Variants in CRMP1 observed in about 807,000 individuals in gnomAD.
The protein encoded by CRMP1 is dihydropyrimidinase-related protein 1.
Under a neutral mutation model 68.3 loss-of-function variants are expected in CRMP1, and 19 were observed. The ratio of observed to expected loss-of-function variants is 0.28; its 90% CI spans 0.19 to 0.41. The LOEUF (loss-of-function observed/expected upper bound fraction) is 0.41, where lower values mean the gene tolerates loss of function less well. CRMP1 is among the 10% of genes least tolerant of loss of function. The pLI, the probability that CRMP1 is intolerant of heterozygous loss-of-function variation, is 1.00. For synonymous variants in CRMP1, 439 were observed against 399.6 expected (o/e 1.10, Z -1.18); for missense variants, 791 against 967.4 (o/e 0.82, Z 2.42).
intron 1 of CRMP1, among the ~76,000 whole-genome samples, chr4:5,868,275 A>ATCTATCTATC (rs1714158543): frequency 1.3e-5 from 1 of 77,662 alleles, no homozygotes. Context: ...ATATATATAT[A>ATCTATCTATC]TATATATATA....
chr4:5,875,790 A>AC (rs1714772212), intron 1 of CRMP1, among the ~76,000 whole-genome samples: 1 of 151,824 alleles, frequency 6.6e-6, no homozygotes, highest in Non-Finnish European at 1.5e-5. Flanking sequence ...GATGCTGAAG[A>AC]CCCCTCAGCC....
chr4:5,821,943 C>A lies in CRMP1; in HGVS notation c.1970-92G>T. 1 of 1,141,524 alleles carries A rather than the reference C, an allele frequency of 8.8e-7. No homozygotes were observed. Among genetic ancestry groups the A allele is most frequent in the Non-Finnish European group, 1.2e-6 (1 of 805,196 alleles). The allele number at this position is 1,141,524 out of a possible 1,614,324, so 70.7% of individuals were successfully genotyped here. On this transcript the variant is annotated intron_variant, in intron 13 of 13. Coordinates refer to ENST00000324989, the MANE Select transcript of CRMP1 (RefSeq NM_001014809.3). This position sits in a 1 kb window ranked among gnomAD's most constrained non-coding sequence, Gnocchi z 4.4. ...GCCATGTACTCTGCCATGCACTCCA[C>A]TGGACCCACCTTCATTCAGGGCTCA...
chr4:5,828,684 C>G lies in CRMP1; in HGVS notation c.1624-16G>C. The G allele has an allele frequency of 6.2e-7, 1 of 1,611,692 alleles. No homozygotes were observed. Among genetic ancestry groups the G allele is most frequent in the Admixed American group, 1.7e-5 (1 of 59,952 alleles). On this transcript the variant is annotated splice_polypyrimidine_tract_variant and intron_variant, in intron 11 of 13. Transcript: ENST00000324989. The stretch of plus-strand genomic sequence containing the variant: ...ACTCCACCGCCTGCACCAACAGCCT[C>G]AGTGTTACTTCCCAGGATTTGCTCT...
At position 5,821,457 on chromosome 4, in the gene CRMP1, G is replaced by A; in HGVS notation, c.*303C>T. Reference sequence around the variant, plus strand: ...CTCAGAGAATCATGGAGCCAGTGGAGTTAGAAGTGGAAGGGACAGAACAAG... The same window carrying A: ...CTCAGAGAATCATGGAGCCAGTGGAATTAGAAGTGGAAGGGACAGAACAAG... On this transcript the variant is annotated 3_prime_UTR_variant, in exon 14 of 14. Coordinates refer to ENST00000324989, the MANE Select transcript of CRMP1 (RefSeq NM_001014809.3). This position sits in a 1 kb window ranked among gnomAD's most constrained non-coding sequence, Gnocchi z 4.4. 1 of 395,390 alleles carries A rather than the reference G, an allele frequency of 2.5e-6. No individual in the cohort carries two copies. The highest frequency in any genetic ancestry group is 4.6e-6 in the Non-Finnish European group (1 of 215,600). The allele number at this position is 395,390 out of a possible 1,614,324, so 24.5% of individuals were successfully genotyped here.
rs955065498 is a variant in CRMP1 at position 5,860,464 on chromosome 4, G to A, written c.655+562C>T. 1.8e-4 allele frequency among the ~76,000 whole-genome samples: 27 copies of A among 152,090 alleles called. No homozygotes were observed. Among genetic ancestry groups the A allele is most frequent in the Non-Finnish European group, 2.9e-4 (20 of 68,028 alleles). On this transcript the variant is annotated intron_variant, in intron 3 of 13. Coordinates refer to ENST00000324989, the MANE Select transcript of CRMP1 (RefSeq NM_001014809.3). This position sits in a 1 kb window ranked among gnomAD's most constrained non-coding sequence, Gnocchi z 4.2. ...AAGATTTGGGGGCTGTTTGTTACGCGGTGTTATCACAGTATTACTGCAGCA... is the reference window on the plus strand; with the variant it reads ...AAGATTTGGGGGCTGTTTGTTACGCAGTGTTATCACAGTATTACTGCAGCA...
Position 5,835,953 on chromosome 4 carries a change from C to G in CRMP1, c.1585G>C (p.Asp529His). 1 of 1,584,018 alleles carries G rather than the reference C, an allele frequency of 6.3e-7. No homozygotes were observed. The highest frequency in any genetic ancestry group is 8.6e-7 in the Non-Finnish European group (1 of 1,165,502). ...TTGGCTGTTATGGTCTTCAACTTGT[C>G]GGGGTCCCAGATGACCACGTCGGCA... is the stretch of plus-strand genomic sequence containing the variant. ...SDADVVIWDP[D>H]KLKTITAKSH... is the part of the protein sequence containing the mutation. The change falls in exon 11 of 14, where the codon GAC becomes CAC. Residue 529 changes from aspartate to histidine, a missense_variant. Asp to His is a moderately conservative substitution (Grantham distance 81). Coordinates refer to ENST00000324989, the MANE Select transcript of CRMP1 (RefSeq NM_001014809.3).
intron 1 of CRMP1, among the ~76,000 whole-genome samples, chr4:5,886,731 T>C (rs1308795180): frequency 6.6e-6 from 1 of 152,218 alleles, no homozygotes; most frequent in East Asian, 1.9e-4. Flanking sequence ...CTCAGTTCCC[T>C]TGGGAGGCAG....
rs2152477433 is a variant in CRMP1 at position 5,888,725 on chromosome 4, T to C, written c.381+3864A>G. ...TCTCGCGATCCAGAGAGTATGGTTT[T>C]CAGGGCTCCTTTAAAAGAAAAAGAC... On this transcript the variant is annotated intron_variant, in intron 1 of 13. Transcript: ENST00000324989. The surrounding 1 kb of genome is among the most constrained non-coding windows in gnomAD (Gnocchi z 6.4). 1.4e-6 allele frequency: 1 copy of C among 701,650 alleles called. No homozygotes were observed. The highest frequency in any genetic ancestry group is 1.9e-5 in the African/African-American group (1 of 51,644). The allele number at this position is 701,650 out of a possible 1,614,324, so 43.5% of individuals were successfully genotyped here. A position where few individuals can be genotyped will look rare whatever the true frequency, so the allele number is the denominator to read the frequency against.
At position 5,847,938 on chromosome 4, in the gene CRMP1, G is replaced by C. The variant is rs891834791; in HGVS notation, c.963+1454C>G. On this transcript the variant is annotated intron_variant, in intron 6 of 13. Transcript: ENST00000324989. ...AAACCTTCCCCTATAAGCCTGGCTTGATTTACAACATTATAACCAATCCAT... is the reference window on the plus strand; with the variant it reads ...AAACCTTCCCCTATAAGCCTGGCTTCATTTACAACATTATAACCAATCCAT... Among the ~76,000 whole-genome samples, 4 of 152,106 alleles carry C rather than the reference G, an allele frequency of 2.6e-5. No homozygotes were observed. The East Asian group carries it at 5.8e-4, about 22-fold the overall frequency.
At chr4:5,829,142 C>T (rs1032449709) in intron 11 of CRMP1, among the ~76,000 whole-genome samples, 8 of 152,174 alleles carry the variant, frequency 5.3e-5, no homozygotes, top group South Asian at 2.1e-4. Flanking sequence ...TCAATTGACA[C>T]GATATCGGCA....
At position 5,825,913 on chromosome 4, in the gene CRMP1, C is replaced by G; in HGVS notation, c.1804-254G>C. 1 of 512,586 alleles carries G rather than the reference C, an allele frequency of 2.0e-6. No individual in the cohort carries two copies. Among genetic ancestry groups the G allele is most frequent in the Non-Finnish European group, 3.4e-6 (1 of 293,438 alleles). 31.8% of individuals were successfully genotyped at this position (512,586 alleles called of 1,614,324 possible). On this transcript the variant is annotated intron_variant, in intron 12 of 13. Transcript: ENST00000324989. This position sits in a 1 kb window ranked among gnomAD's most constrained non-coding sequence, Gnocchi z 4.4. ...CATACACATACAGACGCACACACCA[C>G]GCACACGCACTCACATACATGCAGT...
intron 1 of CRMP1, among the ~76,000 whole-genome samples, chr4:5,876,590 T>C (rs749920978): frequency 2.0e-5 from 3 of 152,224 alleles, no homozygotes; most frequent in Non-Finnish European, 4.4e-5. Context: ...TATCCAAGCA[T>C]TGAATGCAGG....
At chr4:5,831,574 G>A (rs977471926) in intron 11 of CRMP1, among the ~76,000 whole-genome samples, 5 of 152,122 alleles carry the variant, frequency 3.3e-5, no homozygotes, top group East Asian at 1.9e-4. Context: ...TTGTGAATGC[G>A]GAGGGGCGGT....
rs1368528235 is a variant in CRMP1, at chr4:5,860,983, C to A, written c.655+43G>T. 3.8e-6 allele frequency: 6 copies of A among 1,590,892 alleles called. No homozygotes were observed. The highest frequency in any genetic ancestry group is 1.7e-5 in the Admixed American group (1 of 58,834). On this transcript the variant is annotated intron_variant, in intron 3 of 13. Transcript: ENST00000324989. The surrounding 1 kb of genome is among the most constrained non-coding windows in gnomAD (Gnocchi z 4.2). ...TGTGATGCTGGTGATGGGGAGGAGA[C>A]CTCACAGTCTATGTCCCTAAGGCAG... is the stretch of plus-strand genomic sequence containing the variant.
chr4:5,857,460 TCACCATCATCTTCAGTCTTCATTAC>T (rs1179636606), intron 3 of CRMP1, among the ~76,000 whole-genome samples: 1 of 151,654 alleles, frequency 6.6e-6, no homozygotes, highest in African/African-American at 2.4e-5. Flanking sequence ...AATGACATCA[TCACCATCATCTTCAGTCTTCATTAC>T]CACCATCATC....
In CRMP1 at chr4:5,841,384, C is replaced by G. The variant is rs1711714089; in HGVS notation, c.1077G>C (p.Arg359=). The G allele has an allele frequency of 6.2e-7, 1 of 1,614,164 alleles. No individual in the cohort carries two copies. The highest frequency in any genetic ancestry group is 2.2e-5 in the East Asian group (1 of 44,878). The part of the protein sequence containing the change: ...AVFRAITIAG[R]INCPVYITKV... ...TGGTGATGTACACAGGGCAGTTGATCCGGCCCGCAATGGTGATGGCCCGGA... is the reference window on the plus strand; with the variant it reads ...TGGTGATGTACACAGGGCAGTTGATGCGGCCCGCAATGGTGATGGCCCGGA... The change falls in exon 8 of 14, where the codon CGG becomes CGC. Residue 359 remains arginine, a synonymous_variant. Coordinates refer to ENST00000324989, the MANE Select transcript of CRMP1 (RefSeq NM_001014809.3). This position sits in a 1 kb window ranked among gnomAD's most constrained non-coding sequence, Gnocchi z 6.9.
At chr4:5,822,676 A>T (rs765737342) in intron 13 of CRMP1, among the ~76,000 whole-genome samples, 103 of 152,326 alleles carry the variant, frequency 6.8e-4, no homozygotes, top group Non-Finnish European at 7.9e-4. Context: ...GAAAGGTGGG[A>T]AGGATAGAGT....
At chr4:5,876,179 A>C (rs116577669) in intron 1 of CRMP1, among the ~76,000 whole-genome samples, 8,859 of 152,192 alleles carry the variant, frequency 0.058, 329 homozygotes, top group South Asian at 0.1. Context: ...TTTGTTTCAA[A>C]ACTTCTTCTT....
At chr4:5,852,587 G>A (rs1300572929) in intron 4 of CRMP1, among the ~76,000 whole-genome samples, 2 of 152,224 alleles carry the variant, frequency 1.3e-5, no homozygotes, top group African/African-American at 4.8e-5. Context: ...CTAAGCACTT[G>A]AGATACAGAA....
Sources: gnomAD v4.1 joint callset for allele counts (sites outside exome capture counted in the v4.1 genomes callset) on GRCh38, gnomAD v4.1.1 for gene constraint, Gnocchi (gnomAD v3.1) non-coding constraint, MANE v1.5 for transcripts, NCBI Gene and HGNC (gene_info 2026-07-23, HGNC 2026-07-21) for gene names.